The following DNER variants were observed in gnomAD, a reference collection of about 807,000 sequenced individuals.
DNER encodes the protein delta/notch like EGF repeat containing, also known as delta and Notch-like epidermal growth factor-related receptor.
In DNER, 33 loss-of-function variants were observed where a neutral mutation model predicts 78.2. The ratio of observed to expected loss-of-function variants is 0.42; its 90% CI spans 0.32 to 0.56. The LOEUF (loss-of-function observed/expected upper bound fraction) is 0.56, where lower values mean the gene tolerates loss of function less well. DNER is among the 20% of genes least tolerant of loss of function. The probability of loss-of-function intolerance (pLI) is 0.11; values close to 1 mark genes in which losing one functional copy is unlikely to be tolerated. For synonymous variants in DNER, 417 were observed against 384.8 expected, an observed-to-expected ratio of 1.08 and a Z score of -0.98; for missense variants, 918 against 975.3, an observed-to-expected ratio of 0.94 and a Z score of 0.78.
intron 1 of DNER, among the ~76,000 whole-genome samples, chr2:229,614,035 G>T (rs1282639842): frequency 9.3e-5 from 14 of 151,314 alleles, no homozygotes; most frequent in Non-Finnish European, 1.6e-4. Context: ...GTGGGGTGGG[G>T]GGGAGCGGGG....
intron 8 of DNER, among the ~76,000 whole-genome samples, chr2:229,424,228 C>G (rs1693825797): frequency 6.6e-6 from 1 of 152,158 alleles, no homozygotes; most frequent in Non-Finnish European, 1.5e-5. Flanking sequence ...TTATGTCAGG[C>G]CCTTTAGATG....
chr2:229,415,225 A>G (rs1006127633), intron 9 of DNER, among the ~76,000 whole-genome samples: 3 of 152,106 alleles, frequency 2.0e-5, no homozygotes, highest in African/African-American at 7.2e-5. Context: ...TCTCTGTCAT[A>G]GTTGCTAGCT....
intron 1 of DNER, among the ~76,000 whole-genome samples, chr2:229,647,975 G>A (rs1698749405): frequency 6.6e-6 from 1 of 152,124 alleles, no homozygotes; most frequent in Admixed American, 6.5e-5. Flanking sequence ...TTCCACAAAG[G>A]TCATGATGCA....
chr2:229,639,082 A>C (rs987654424), intron 1 of DNER, among the ~76,000 whole-genome samples: 3 of 152,208 alleles, frequency 2.0e-5, no homozygotes, highest in African/African-American at 7.2e-5. Context: ...TATACCCTGA[A>C]CACTCCCTTC....
chr2:229,366,572 A>C (rs1324129822), intron 12 of DNER, among the ~76,000 whole-genome samples: 1 of 152,240 alleles, frequency 6.6e-6, no homozygotes, highest in African/African-American at 2.4e-5. Flanking sequence ...AAATTCAACA[A>C]AAAAAGTTTT....
chr2:229,610,409 G>T (rs2154215153), intron 1 of DNER, among the ~76,000 whole-genome samples: 1 of 152,324 alleles, frequency 6.6e-6, no homozygotes, highest in South Asian at 2.1e-4. Flanking sequence ...TCTTAACTGA[G>T]ACCCGCATTC....
chr2:229,640,855 C>T (rs900127870), intron 1 of DNER, among the ~76,000 whole-genome samples: 1 of 152,122 alleles, frequency 6.6e-6, no homozygotes, highest in African/African-American at 2.4e-5. Context: ...TAGAAAAGGT[C>T]AACACCTGAA....
chr2:229,650,663 C>A (rs1698800377), intron 1 of DNER, among the ~76,000 whole-genome samples: 1 of 152,112 alleles, frequency 6.6e-6, no homozygotes, highest in African/African-American at 2.4e-5. Context: ...TTTCAGGGTT[C>A]CTTTTCGTAG....
chr2:229,671,940 T>A (rs768476617), intron 1 of DNER, among the ~76,000 whole-genome samples: 2 of 152,170 alleles, frequency 1.3e-5, no homozygotes, highest in Non-Finnish European at 2.9e-5. Context: ...ACTTTGCAGA[T>A]CTCTGGTTTG....
intron 10 of DNER, among the ~76,000 whole-genome samples, chr2:229,388,620 T>C: frequency 1.2e-5 from 1 of 80,504 alleles, no homozygotes; most frequent in Admixed American, 1.5e-4. Flanking sequence ...TATATATATA[T>C]ATATATATAT....
chr2:229,455,073 T>C (rs893675193), intron 7 of DNER, among the ~76,000 whole-genome samples: 2 of 152,150 alleles, frequency 1.3e-5, no homozygotes, highest in Non-Finnish European at 2.9e-5. Context: ...TGAGTCACTT[T>C]TGAGATGCTA....
At chr2:229,660,104 T>G (rs747441342) in intron 1 of DNER, among the ~76,000 whole-genome samples, 4 of 152,182 alleles carry the variant, frequency 2.6e-5, no homozygotes, top group Non-Finnish European at 5.9e-5. Context: ...TTTAAGGAAA[T>G]GTAAATGTGC....
intron 12 of DNER, among the ~76,000 whole-genome samples, chr2:229,365,908 A>G (rs556811637): frequency 4.1e-4 from 62 of 152,334 alleles, no homozygotes; most frequent in Non-Finnish European, 3.2e-4. Flanking sequence ...AAAAGAAGAG[A>G]TGGCTTACTT....
At chr2:229,418,924 A>G (rs1184400955) in intron 8 of DNER, among the ~76,000 whole-genome samples, 1 of 151,804 alleles carries the variant, frequency 6.6e-6, no homozygotes, top group African/African-American at 2.4e-5. Context: ...TCCATCTCAA[A>G]AAAAAAACAA....
intron 4 of DNER, chr2:229,580,373 G>A (rs1419876659): frequency 6.6e-6 from 1 of 152,150 alleles, no homozygotes; most frequent in African/African-American, 2.4e-5. Flanking sequence ...CATTTTAGGA[G>A]GTCATACATG....
intron 12 of DNER, among the ~76,000 whole-genome samples, chr2:229,362,847 G>A (rs531837782): frequency 2.0e-5 from 3 of 152,166 alleles, no homozygotes; most frequent in Admixed American, 6.5e-5. Flanking sequence ...AAAAGATACT[G>A]TAACCAGTTA....
At chr2:229,635,098 T>C (rs1048124502) in intron 1 of DNER, among the ~76,000 whole-genome samples, 1 of 152,176 alleles carries the variant, frequency 6.6e-6, no homozygotes, top group African/African-American at 2.4e-5. Context: ...ACCATTCCAA[T>C]TGTTAACACA....
intron 5 of DNER, among the ~76,000 whole-genome samples, chr2:229,519,265 G>T (rs57321236): frequency 1.1e-4 from 17 of 152,044 alleles, no homozygotes; most frequent in Non-Finnish European, 1.5e-5. Flanking sequence ...TCTCAGTAAC[G>T]CCTGTGTGTT....
intron 1 of DNER, among the ~76,000 whole-genome samples, chr2:229,659,898 A>G (rs1698979402): frequency 6.6e-6 from 1 of 152,176 alleles, no homozygotes; most frequent in Admixed American, 6.6e-5. Context: ...ATAGGCACAG[A>G]TATTTTAGAT....
Sources: gnomAD v4.1 joint callset for allele counts (sites outside exome capture counted in the v4.1 genomes callset) on GRCh38, gnomAD v4.1.1 for gene constraint, MANE v1.5 for transcripts, NCBI Gene and HGNC (gene_info 2026-07-23, HGNC 2026-07-21) for gene names.